ZNF726: variants seen among roughly 807,000 people sequenced by gnomAD.
ZNF726 encodes zinc finger protein 726.
In ZNF726, 15 loss-of-function variants were observed where a neutral mutation model predicts 11.6. That is an observed-to-expected ratio of 1.29 (90% confidence interval 0.86 to 1.99). ZNF726 has a LOEUF of 1.99. ZNF726 is among the 30% of genes most tolerant of loss of function. The pLI is 0.00. For missense variants in ZNF726, 890 were observed against 725.6 expected (o/e 1.23, Z -2.60); for synonymous variants, 295 against 243.6 (o/e 1.21, Z -1.96).
In ZNF726 at chr19:23,933,744, G is replaced by A. The variant is rs764402311; in HGVS notation, c.1628G>A (p.Gly543Asp). 1.0e-5 allele frequency: 16 copies of A among 1,606,540 alleles called. No homozygotes were observed. The highest frequency in any genetic ancestry group is 1.1e-5 in the Non-Finnish European group (13 of 1,178,178). ...AAACCCTACAAATGTGAAGAATGTG[G>A]CAAAACTTTTAATCAATCCTCAAAT... ...GEKPYKCEEC[G>D]KTFNQSSNLS... Residue 543 changes from glycine (G) to aspartate (D), a missense_variant, in exon 4 of 4, where the codon GGC becomes GAC. Transcript: ENST00000594466.
At chr19:23,924,598 G>A (rs1451059179) in intron 3 of ZNF726, among the ~76,000 whole-genome samples, 1 of 152,120 alleles carries the variant, frequency 6.6e-6, no homozygotes. Flanking sequence ...AAATGTACAT[G>A]TCAGGGCGAG....
chr19:23,926,582 A>C lies in ZNF726; in HGVS notation c.227-5761A>C, dbSNP rs550344986. ...AAGACTCTGTTCCAAAAAAAAAAAAAAAAAAAAGTTATCTTCCTATGTCTA... is the reference window on the plus strand; with the variant it reads ...AAGACTCTGTTCCAAAAAAAAAAAACAAAAAAAGTTATCTTCCTATGTCTA... On this transcript the variant is annotated intron_variant, in intron 3 of 3. Coordinates refer to ENST00000594466, the MANE Select transcript of ZNF726 (RefSeq NM_001244038.2). Among the ~76,000 whole-genome samples, 460 of 152,104 alleles carry C rather than the reference A, an allele frequency of 3.0e-3. 4 individuals are homozygous for C. The highest frequency in any genetic ancestry group is 0.011 in the African/African-American group (439 of 41,476).
At chr19:23,915,154 T>G (rs550409056) in intron 1 of ZNF726, among the ~76,000 whole-genome samples, 157 bp downstream of exon 1, 1 of 152,264 alleles carries the variant, frequency 6.6e-6, no homozygotes, top group South Asian at 2.1e-4. Context: ...AGCCTTAAGA[T>G]GGCGGCTGCG....
chr19:23,914,912 G>C lies in ZNF726; in HGVS notation c.-83G>C. 1.3e-6 allele frequency: 2 copies of C among 1,597,756 alleles called. No homozygotes were observed. Among genetic ancestry groups the C allele is most frequent in the Non-Finnish European group, 1.7e-6 (2 of 1,170,854 alleles). On this transcript the variant is annotated 5_prime_UTR_variant, in exon 1 of 4. Coordinates refer to ENST00000594466, the MANE Select transcript of ZNF726 (RefSeq NM_001244038.2). The stretch of plus-strand genomic sequence containing the variant: ...TCTCTATCTGCGGCCGGAGCTCCAG[G>C]TCTCGTCCTCACTACTCTGTGTCTT...
At chr19:23,922,935 T>A (rs989537245) in intron 3 of ZNF726, among the ~76,000 whole-genome samples, 5 of 151,104 alleles carry the variant, frequency 3.3e-5, no homozygotes, top group East Asian at 1.9e-4. Flanking sequence ...TTTTTTTTTT[T>A]ATCTTATTAA....
At chr19:23,937,891 A>C (rs868288447), downstream of ZNF726, among the ~76,000 whole-genome samples, 7 of 152,234 alleles carry the variant, frequency 4.6e-5, no homozygotes, top group Admixed American at 3.3e-4. Flanking sequence ...GTTAACATTA[A>C]GTTAGTAGTA....
At chr19:23,927,415 A>T (rs1481372317) in intron 3 of ZNF726, among the ~76,000 whole-genome samples, 1 of 152,128 alleles carries the variant, frequency 6.6e-6, no homozygotes, top group Non-Finnish European at 1.5e-5. Context: ...TTTAATTTCT[A>T]GTTTAATTCA....
Position 23,932,860 on chromosome 19 carries a change from G to A in ZNF726, c.744G>A (p.Lys248=). 1 of 1,607,942 alleles carries A rather than the reference G, an allele frequency of 6.2e-7. No individual in the cohort carries two copies. Among genetic ancestry groups the A allele is most frequent in the Non-Finnish European group, 8.5e-7 (1 of 1,177,416 alleles). Residue 248 remains lysine, a synonymous_variant, in exon 4 of 4, where the codon AAG becomes AAA. Transcript: ENST00000594466. The part of the protein sequence containing the change: ...FNQSSNYTTH[K]VTHTGEKPYK... The stretch of plus-strand genomic sequence containing the variant: ...AATCCTCAAATTATACTACACATAA[G>A]GTAACTCATACTGGAGAGAAGCCTT...
At chr19:23,929,040 A>G (rs1272143361) in intron 3 of ZNF726, 1 of 152,028 alleles carries the variant, frequency 6.6e-6, no homozygotes, top group Non-Finnish European at 1.5e-5. Flanking sequence ...TCCAGTGATC[A>G]GCCCATCTTA....
At chr19:23,935,255 T>C (rs766756406), downstream of ZNF726, 5 of 471,784 alleles carry the variant, frequency 1.1e-5, no homozygotes, top group Non-Finnish European at 4.3e-6. Context: ...CTTCAACTTT[T>C]ATTAAACATA....
intron 3 of ZNF726, chr19:23,943,405 C>T (rs1426666291): frequency 2.3e-6 from 1 of 436,792 alleles, no homozygotes; most frequent in Non-Finnish European, 4.1e-6. Context: ...TATGTAGAAG[C>T]TTTCATAATA....
chr19:23,937,255 C>A (rs1599473853), downstream of ZNF726, among the ~76,000 whole-genome samples: 1 of 151,326 alleles, frequency 6.6e-6, no homozygotes, highest in African/African-American at 2.4e-5. Context: ...ACCTCCCTCC[C>A]AGCCGGGGCG....
intron 3 of ZNF726, 98 bp from the exon 4 acceptor site, chr19:23,932,245 T>A (rs1232192333): frequency 6.5e-5 from 65 of 995,230 alleles, no homozygotes; most frequent in Non-Finnish European, 8.2e-5. Context: ...TGCAAAACCA[T>A]CTTGTTTTTG....
intron 3 of ZNF726, among the ~76,000 whole-genome samples, chr19:23,942,311 T>G (rs1968350791): frequency 6.6e-6 from 1 of 152,200 alleles, no homozygotes; most frequent in Non-Finnish European, 1.5e-5. Context: ...TATTCCACTG[T>G]GCTCTGAGAG....
chr19:23,941,769 A>AT (rs1471743208), intron 3 of ZNF726, among the ~76,000 whole-genome samples: 2 of 152,120 alleles, frequency 1.3e-5, no homozygotes, highest in African/African-American at 2.4e-5. Context: ...AAAGGTGTTC[A>AT]TAGTAGCCTT....
downstream of ZNF726, among the ~76,000 whole-genome samples, chr19:23,936,624 C>T (rs2144997307): frequency 1.3e-5 from 2 of 151,872 alleles, no homozygotes; most frequent in East Asian, 3.9e-4. Context: ...AGTAGAGAGG[C>T]TCTTTGGGTT....
downstream of ZNF726, among the ~76,000 whole-genome samples, chr19:23,937,273 G>C (rs1175058978): frequency 9.9e-5 from 15 of 151,608 alleles, no homozygotes; most frequent in Non-Finnish European, 2.1e-4. Context: ...GCGGCTGGCC[G>C]GGCGGGGGGC....
downstream of ZNF726, among the ~76,000 whole-genome samples, chr19:23,934,823 G>A (rs1664452807): frequency 6.6e-6 from 1 of 152,202 alleles, no homozygotes; most frequent in Admixed American, 6.5e-5. Flanking sequence ...AGTATCCAAA[G>A]CATCTGGCAC....
Position 23,933,472 on chromosome 19 carries a change from C to G in ZNF726, c.1356C>G (p.Pro452=), listed in dbSNP as rs139742437. ...EHKKIHTREK[P]YKCEECSKAF... is the part of the protein sequence containing the mutation. Reference sequence around the variant, plus strand: ...AGAAAATTCATACTAGAGAGAAACCCTACAAATGTGAAGAATGTAGTAAAG... The same window carrying G: ...AGAAAATTCATACTAGAGAGAAACCGTACAAATGTGAAGAATGTAGTAAAG... The change falls in exon 4 of 4, where the codon CCC becomes CCG. Residue 452 remains proline (P), a synonymous_variant. Transcript: ENST00000594466. The G allele has an allele frequency of 0.055, 88,546 of 1,612,214 alleles. 3,081 individuals carry two copies. The highest frequency in any genetic ancestry group is 0.078 in the South Asian group (7,145 of 91,028).
Sources: allele counts gnomAD v4.1 joint callset (sites outside exome capture counted in the v4.1 genomes callset), GRCh38; gene constraint gnomAD v4.1.1; transcripts MANE v1.5; gene names NCBI Gene and HGNC (gene_info 2026-07-23, HGNC 2026-07-21).